NEGR1: variants seen among roughly 807,000 people sequenced by gnomAD.
NEGR1 encodes IgLON family member 4.
NEGR1 carries 10 observed loss-of-function variants against 40.9 expected under a neutral mutation model. That is an observed-to-expected ratio of 0.24 (90% CI 0.15 to 0.42). The LOEUF (loss-of-function observed/expected upper bound fraction) is 0.42, where lower values mean the gene tolerates loss of function less well. Among genes scored for constraint, NEGR1 ranks in the 10% least tolerant of loss-of-function variants. NEGR1 has a pLI of 1.00. For synonymous variants in NEGR1, 185 were observed against 166.8 expected, an observed-to-expected ratio of 1.11 and a Z score of -0.84; for missense variants, 352 against 438.9, an observed-to-expected ratio of 0.80 and a Z score of 1.77.
intron 1 of NEGR1, among the ~76,000 whole-genome samples, chr1:72,008,575 C>T (rs1358449759): frequency 1.3e-5 from 2 of 152,022 alleles, no homozygotes; most frequent in African/African-American, 2.4e-5. Flanking sequence ...TGCTACAGGG[C>T]CTGACACACT....
At chr1:71,870,632 T>C (rs1221134638) in intron 2 of NEGR1, among the ~76,000 whole-genome samples, 1 of 152,186 alleles carries the variant, frequency 6.6e-6, no homozygotes, top group Non-Finnish European at 1.5e-5. Flanking sequence ...TATTGTAATA[T>C]ATTAAAGATT....
At chr1:72,184,037 G>A (rs952373141) in intron 1 of NEGR1, among the ~76,000 whole-genome samples, 9 of 152,068 alleles carry the variant, frequency 5.9e-5, no homozygotes, top group Middle Eastern at 3.2e-3. Context: ...TTGAACAGCC[G>A]TATATAAGAT....
intron 3 of NEGR1, among the ~76,000 whole-genome samples, chr1:71,741,893 T>G (rs561377493): frequency 1.3e-5 from 2 of 152,114 alleles, no homozygotes; most frequent in East Asian, 3.9e-4. Context: ...CCAGATCTCA[T>G]GAGAAGTCAC....
chr1:72,238,727 C>A (rs1017510210), intron 1 of NEGR1, among the ~76,000 whole-genome samples: 1 of 151,814 alleles, frequency 6.6e-6, no homozygotes, highest in Non-Finnish European at 1.5e-5. Flanking sequence ...CTGGAATAAT[C>A]ACTCATGGGC....
intron 1 of NEGR1, among the ~76,000 whole-genome samples, chr1:71,972,311 G>C (rs752591889): frequency 3.3e-5 from 5 of 152,078 alleles, no homozygotes; most frequent in Admixed American, 6.6e-5. Flanking sequence ...AAGACCTAAG[G>C]ATATTTCACT....
At chr1:71,569,960 G>C (rs1648758103) in intron 6 of NEGR1, among the ~76,000 whole-genome samples, 1 of 144,512 alleles carries the variant, frequency 6.9e-6, no homozygotes, top group African/African-American at 2.6e-5. Flanking sequence ...AACAATCACT[G>C]AATTACACAA....
At chr1:71,895,175 C>G (rs1195197346) in intron 2 of NEGR1, among the ~76,000 whole-genome samples, 2 of 152,024 alleles carry the variant, frequency 1.3e-5, no homozygotes, top group African/African-American at 4.8e-5. Flanking sequence ...CTCTATTGTT[C>G]CAAGTTTTTG....
intron 6 of NEGR1, among the ~76,000 whole-genome samples, chr1:71,455,663 T>A (rs1428787450): frequency 3.9e-5 from 6 of 152,170 alleles, no homozygotes; most frequent in Admixed American, 3.9e-4. Flanking sequence ...AGGCGGAGGT[T>A]GCAGTGAGCT....
intron 1 of NEGR1, among the ~76,000 whole-genome samples, chr1:72,159,280 C>T (rs971517238): frequency 6.6e-6 from 1 of 152,100 alleles, no homozygotes; most frequent in African/African-American, 2.4e-5. Flanking sequence ...CCTCTATCCT[C>T]GTAAGTTAGT....
At chr1:71,706,932 C>G (rs572002095) in intron 3 of NEGR1, among the ~76,000 whole-genome samples, 3 of 152,070 alleles carry the variant, frequency 2.0e-5, no homozygotes, top group African/African-American at 7.2e-5. Context: ...GCTGATGATT[C>G]TGGGACACTG....
At chr1:71,635,168 AAAT>A (rs149845378) in intron 4 of NEGR1, among the ~76,000 whole-genome samples, 5,574 of 152,164 alleles carry the variant, frequency 0.037, 132 homozygotes, top group African/African-American at 0.072. Flanking sequence ...TATTGGAAGA[AAAT>A]AAATGTGGTT....
chr1:71,414,097 A>T (rs140648715), intron 6 of NEGR1, among the ~76,000 whole-genome samples: 21 of 152,242 alleles, frequency 1.4e-4, no homozygotes, highest in African/African-American at 3.6e-4. Flanking sequence ...CTCAACTTAC[A>T]TTTTCCTGAG....
intron 6 of NEGR1, among the ~76,000 whole-genome samples, chr1:71,469,048 A>G (rs1288121378): frequency 6.6e-6 from 1 of 152,018 alleles, no homozygotes; most frequent in Non-Finnish European, 1.5e-5. Flanking sequence ...GTTGTACAAT[A>G]TGTTCAAAGT....
At chr1:71,467,205 T>C (rs1646752900) in intron 6 of NEGR1, among the ~76,000 whole-genome samples, 3 of 152,088 alleles carry the variant, frequency 2.0e-5, no homozygotes, top group Admixed American at 6.6e-5. Context: ...GGTTAGTCAG[T>C]AAGTTAAATT....
chr1:71,912,699 T>C (rs1425733438), intron 2 of NEGR1, among the ~76,000 whole-genome samples: 1 of 152,140 alleles, frequency 6.6e-6, no homozygotes, highest in African/African-American at 2.4e-5. Flanking sequence ...AAAGAATACA[T>C]TTGAAGCAAT....
chr1:72,022,103 C>A, intron 1 of NEGR1, among the ~76,000 whole-genome samples: 1 of 151,556 alleles, frequency 6.6e-6, no homozygotes, highest in East Asian at 1.9e-4. Flanking sequence ...CCACTGCACT[C>A]CAGCCTGGGT....
At chr1:72,087,543 C>T (rs1042701689) in intron 1 of NEGR1, among the ~76,000 whole-genome samples, 1 of 151,682 alleles carries the variant, frequency 6.6e-6, no homozygotes, top group Non-Finnish European at 1.5e-5. Context: ...ATTTACCCAT[C>T]AGAACTACAG....
intron 2 of NEGR1, among the ~76,000 whole-genome samples, chr1:71,864,310 T>G (rs1172212596): frequency 1.3e-5 from 2 of 152,094 alleles, no homozygotes; most frequent in African/African-American, 4.8e-5. Flanking sequence ...GTAAGGAAGG[T>G]TTGTCCTGCT....
At chr1:72,274,665 A>T (rs1655976093) in intron 1 of NEGR1, 2 of 882,374 alleles carry the variant, frequency 2.3e-6, no homozygotes, top group African/African-American at 1.6e-5. Flanking sequence ...CTATTTATGG[A>T]GGTACCTATA....
Sources: allele counts gnomAD v4.1 joint callset (sites outside exome capture counted in the v4.1 genomes callset), GRCh38; gene constraint gnomAD v4.1.1; transcripts MANE v1.5; gene names NCBI Gene and HGNC (gene_info 2026-07-23, HGNC 2026-07-21).